The following GPM6B variants were observed in gnomAD, a reference collection of about 807,000 sequenced individuals.
GPM6B encodes the protein neuronal membrane glycoprotein M6-b.
GPM6B carries 4 observed loss-of-function variants against 27.2 expected under a neutral mutation model. The ratio of observed to expected loss-of-function variants is 0.15; its 90% CI spans 0.07 to 0.34. The LOEUF is 0.34. Among genes scored for constraint, GPM6B ranks in the 10% least tolerant of loss-of-function variants. GPM6B has a pLI of 1.00. For synonymous variants in GPM6B, 124 were observed against 103.1 expected, an observed-to-expected ratio of 1.20 and a Z score of -1.23; for missense variants, 183 against 261.9, an observed-to-expected ratio of 0.70 and a Z score of 2.08.
chrX:13,875,634 T>C (rs1603103817), intron 1 of GPM6B, among the ~76,000 whole-genome samples: 1 of 111,815 alleles, frequency 8.9e-6, no homozygotes, highest in East Asian at 2.8e-4. Context: ...GCCCATCAAC[T>C]GAGGAATGGA....
At chrX:13,815,539 A>C (rs2049217963) in intron 1 of GPM6B, among the ~76,000 whole-genome samples, 1 of 110,295 alleles carries the variant, frequency 9.1e-6, no homozygotes, top group Admixed American at 9.6e-5. Context: ...GGATTGAACT[A>C]AACAAACGAT....
chrX:13,795,742 CTTTTTTTTT>C, intron 2 of GPM6B, among the ~76,000 whole-genome samples: 1 of 82,798 alleles, frequency 1.2e-5, no homozygotes, highest in South Asian at 6.5e-4. Context: ...AATTTCTTTT[CTTTTTTTTT>C]TTTTTTTTTT....
intron 2 of GPM6B, among the ~76,000 whole-genome samples, chrX:13,794,176 C>T (rs1052574084): frequency 1.1e-4 from 12 of 107,486 alleles, no homozygotes; most frequent in Non-Finnish European, 2.3e-4. Flanking sequence ...GTGGTTCTCT[C>T]TCTCTCTCTC....
intron 1 of GPM6B, among the ~76,000 whole-genome samples, chrX:13,824,757 C>G (rs1033369589): frequency 9.0e-6 from 1 of 111,621 alleles, no homozygotes; most frequent in African/African-American, 3.3e-5. Flanking sequence ...ATAGTGAGTC[C>G]CATAGGGAAC....
intron 2 of GPM6B, among the ~76,000 whole-genome samples, chrX:13,791,152 A>AT (rs2048706033): frequency 8.9e-6 from 1 of 111,796 alleles, no homozygotes; most frequent in Non-Finnish European, 1.9e-5. Flanking sequence ...TAAGGAAAGC[A>AT]TTTTTTTGAT....
Position 13,804,938 on chromosome X carries a change from G to A in GPM6B, c.181+2712C>T, listed in dbSNP as rs144183701. The stretch of plus-strand genomic sequence containing the variant: ...ACCCAACAAAATCTGTAAGTGTCTG[G>A]AAAGGCGATGGCATGGCTAGAGTGG... On this transcript the variant is annotated intron_variant, in intron 2 of 7. Transcript: ENST00000316715. Among the ~76,000 whole-genome samples the A allele has an allele frequency of 5.6e-3, 627 of 111,546 alleles. 2 individuals carry two copies. Among genetic ancestry groups the A allele is most frequent in the Middle Eastern group, 0.014 (3 of 217 alleles).
chrX:13,842,872 ATTTC>A (rs1020338643), intron 1 of GPM6B, among the ~76,000 whole-genome samples: 3 of 112,088 alleles, frequency 2.7e-5, no homozygotes, highest in Non-Finnish European at 5.6e-5. Flanking sequence ...TACTCAACAT[ATTTC>A]TTTCACTGAT....
chrX:13,852,886 T>G (rs756279163), intron 1 of GPM6B, among the ~76,000 whole-genome samples: 2 of 108,444 alleles, frequency 1.8e-5, no homozygotes, highest in African/African-American at 3.4e-5. Context: ...GCTCAAGTGA[T>G]CCTCCCGCCT....
chrX:13,838,745 T>C (rs369806755), intron 1 of GPM6B, among the ~76,000 whole-genome samples: 1 of 111,626 alleles, frequency 9.0e-6, no homozygotes, highest in East Asian at 2.8e-4. Flanking sequence ...CAAGGGACCA[T>C]GTGCTTGGCA....
At chrX:13,798,975 G>A (rs902290603) in intron 2 of GPM6B, among the ~76,000 whole-genome samples, 1 of 111,583 alleles carries the variant, frequency 9.0e-6, no homozygotes, top group African/African-American at 3.3e-5. Flanking sequence ...ATCACCTGGT[G>A]GGGGAGCTTT....
chrX:13,791,402 G>A (rs1315681151), intron 2 of GPM6B, among the ~76,000 whole-genome samples: 2 of 110,687 alleles, frequency 1.8e-5, no homozygotes, highest in Non-Finnish European at 3.8e-5. Context: ...GTACAGACGG[G>A]GTCTTGCCAT....
intron 1 of GPM6B, among the ~76,000 whole-genome samples, chrX:13,916,785 G>T (rs777271282): frequency 5.5e-5 from 6 of 109,530 alleles, no homozygotes; most frequent in Non-Finnish European, 9.5e-5. Flanking sequence ...GATACAAATA[G>T]ATCGAAACTT....
At chrX:13,787,150 G>A (rs1166714756) in intron 2 of GPM6B, among the ~76,000 whole-genome samples, 1 of 107,896 alleles carries the variant, frequency 9.3e-6, no homozygotes, top group Non-Finnish European at 1.9e-5. Context: ...ATTTTAGTGA[G>A]CATTCCTTTT....
intron 1 of GPM6B, 117 bp from the exon 2 acceptor site, chrX:13,807,886 T>C (rs1376766201): frequency 4.6e-6 from 3 of 647,848 alleles, no homozygotes; most frequent in South Asian, 4.2e-5. Context: ...AAATATGCTA[T>C]TGAAATGCAA....
Position 13,794,479 on chromosome X carries a change from G to A in GPM6B, c.182-8671C>T, listed in dbSNP as rs772135381. Among the ~76,000 whole-genome samples, 12 of 111,642 alleles carry A rather than the reference G, an allele frequency of 1.1e-4. No homozygotes were observed. The South Asian group carries it at 3.4e-3, about 31-fold the overall frequency. ...GAGCCAGGAGTGGGCCCTCAAAGAC[G>A]GTCTGTGCAGCCCCGGCAGACCTCA... is the stretch of plus-strand genomic sequence containing the variant. On this transcript the variant is annotated intron_variant, in intron 2 of 7. Coordinates refer to ENST00000316715, the MANE Select transcript of GPM6B (RefSeq NM_001001995.3).
chrX:13,849,404 C>T (rs923886344), intron 1 of GPM6B, among the ~76,000 whole-genome samples: 2 of 112,746 alleles, frequency 1.8e-5, no homozygotes, highest in African/African-American at 6.4e-5. Flanking sequence ...CACTGCCTTA[C>T]ATTACATTCA....
intron 1 of GPM6B, among the ~76,000 whole-genome samples, chrX:13,920,719 G>A (rs1284306878): frequency 1.7e-4 from 19 of 110,157 alleles, no homozygotes; most frequent in East Asian, 5.7e-4. Context: ...GTGAAACTCC[G>A]TCTCTACTAA....
At chrX:13,874,086 C>G (rs924975711) in intron 1 of GPM6B, among the ~76,000 whole-genome samples, 1 of 111,800 alleles carries the variant, frequency 8.9e-6, no homozygotes, top group Non-Finnish European at 1.9e-5. Flanking sequence ...TATATTAACA[C>G]TTTTTATTCA....
chrX:13,919,588 T>C (rs1017740990), intron 1 of GPM6B, among the ~76,000 whole-genome samples: 1 of 112,440 alleles, frequency 8.9e-6, no homozygotes, highest in African/African-American at 3.2e-5. Flanking sequence ...ATGACATTTT[T>C]ACTGACTTCA....
Sources: allele counts gnomAD v4.1 joint callset (sites outside exome capture counted in the v4.1 genomes callset), GRCh38; gene constraint gnomAD v4.1.1; transcripts MANE v1.5; gene names NCBI Gene and HGNC (gene_info 2026-07-23, HGNC 2026-07-21).